The following CHCHD6 variants were observed in gnomAD, a reference collection of about 807,000 sequenced individuals.
The protein encoded by CHCHD6 is MICOS complex subunit MIC25.
In CHCHD6, 28 loss-of-function variants were observed where a neutral mutation model predicts 32.3. The observed-to-expected ratio is 0.87, with a 90% CI of 0.64 to 1.19. The LOEUF (loss-of-function observed/expected upper bound fraction) is 1.19. CHCHD6 is among the 50% of genes most tolerant of loss of function. The pLI is 0.00. For synonymous variants in CHCHD6, 122 were observed against 117.5 expected, an observed-to-expected ratio of 1.04 and a Z score of -0.25; for missense variants, 333 against 307.0, an observed-to-expected ratio of 1.08 and a Z score of -0.63.
intron 6 of CHCHD6, among the ~76,000 whole-genome samples, chr3:126,947,541 C>T (rs2078656558): frequency 6.6e-6 from 1 of 152,230 alleles, no homozygotes; most frequent in Middle Eastern, 3.2e-3. Context: ...CTTCCTATCC[C>T]GGGCCCCTCT....
intron 6 of CHCHD6, among the ~76,000 whole-genome samples, chr3:126,942,851 G>A (rs2078580093): frequency 6.6e-6 from 1 of 152,236 alleles, no homozygotes; most frequent in Admixed American, 6.5e-5. Flanking sequence ...CAGAGTGCAT[G>A]TGTATGTAGA....
chr3:126,844,066 A>T (rs1169996547), intron 4 of CHCHD6, among the ~76,000 whole-genome samples: 1 of 152,126 alleles, frequency 6.6e-6, no homozygotes, highest in African/African-American at 2.4e-5. Context: ...ACAATTTCTA[A>T]TTTAATCCTT....
chr3:126,932,508 C>T (rs1006317047), intron 6 of CHCHD6, among the ~76,000 whole-genome samples: 1 of 152,236 alleles, frequency 6.6e-6, no homozygotes, highest in Non-Finnish European at 1.5e-5. Flanking sequence ...ACTTTTTCCT[C>T]TGGTGAGGAG....
At chr3:126,912,451 G>A (rs2078104937) in intron 5 of CHCHD6, among the ~76,000 whole-genome samples, 1 of 152,106 alleles carries the variant, frequency 6.6e-6, no homozygotes, top group African/African-American at 2.4e-5. Flanking sequence ...CATTTTGGCA[G>A]CAGCTGGCTG....
chr3:126,706,943 G>A (rs1308378694), intron 1 of CHCHD6, among the ~76,000 whole-genome samples: 1 of 152,130 alleles, frequency 6.6e-6, no homozygotes, highest in African/African-American at 2.4e-5. Context: ...CTGAGGCCTG[G>A]TCTTAGAAAG....
intron 4 of CHCHD6, 57 bp from the exon 5 acceptor site, chr3:126,852,590 G>A: frequency 2.3e-6 from 3 of 1,298,622 alleles, no homozygotes; most frequent in Non-Finnish European, 2.2e-6. Context: ...TCTCCCTGCA[G>A]CACCATTCCA....
chr3:126,854,391 GAAA>G (rs1941582665), intron 5 of CHCHD6, among the ~76,000 whole-genome samples: 1 of 152,154 alleles, frequency 6.6e-6, no homozygotes, highest in African/African-American at 2.4e-5. Flanking sequence ...AACATCTCAG[GAAA>G]TGGAGATTGG....
At chr3:126,802,743 A>T (rs1019855828) in intron 4 of CHCHD6, among the ~76,000 whole-genome samples, 1 of 152,150 alleles carries the variant, frequency 6.6e-6, no homozygotes, top group African/African-American at 2.4e-5. Flanking sequence ...GAGAAGAGCA[A>T]CTCCAAGACA....
intron 7 of CHCHD6, among the ~76,000 whole-genome samples, chr3:126,958,273 C>T (rs902663961): frequency 6.6e-6 from 1 of 152,128 alleles, no homozygotes; most frequent in Non-Finnish European, 1.5e-5. Flanking sequence ...TTGCCCCACC[C>T]CAACAGGACA....
At chr3:126,740,965 G>A (rs555795199) in intron 4 of CHCHD6, among the ~76,000 whole-genome samples, 153 of 152,346 alleles carry the variant, frequency 1.0e-3, no homozygotes, top group South Asian at 3.1e-3. Context: ...TCGGTCATGG[G>A]ATTGAGAGTC....
At chr3:126,869,589 CT>C (rs1170569011) in intron 5 of CHCHD6, among the ~76,000 whole-genome samples, 1 of 151,980 alleles carries the variant, frequency 6.6e-6, no homozygotes, top group African/African-American at 2.4e-5. Context: ...AGACTTGCCT[CT>C]AAATATCATT....
intron 4 of CHCHD6, among the ~76,000 whole-genome samples, chr3:126,770,205 CTG>C (rs1243762091): frequency 6.6e-6 from 1 of 152,246 alleles, no homozygotes; most frequent in African/African-American, 2.4e-5. Context: ...TATCCTGAAA[CTG>C]TGCTGAAGTT....
intron 4 of CHCHD6, among the ~76,000 whole-genome samples, chr3:126,754,856 C>T (rs1396919632): frequency 6.6e-6 from 1 of 152,214 alleles, no homozygotes; most frequent in Non-Finnish European, 1.5e-5. Context: ...CTTTGGGAGG[C>T]TGTCTCTCAG....
intron 5 of CHCHD6, among the ~76,000 whole-genome samples, chr3:126,876,118 AAG>A (rs2077536232): frequency 6.6e-6 from 1 of 152,218 alleles, no homozygotes; most frequent in African/African-American, 2.4e-5. Flanking sequence ...GAGCACTGTT[AAG>A]TGTCAGCTCA....
intron 5 of CHCHD6, among the ~76,000 whole-genome samples, chr3:126,894,654 C>T (rs755744830): frequency 4.6e-5 from 7 of 152,258 alleles, no homozygotes; most frequent in Non-Finnish European, 5.9e-5. Flanking sequence ...ACACCCATCA[C>T]GGTGGGAGGC....
chr3:126,760,084 G>A (rs1255464545), intron 4 of CHCHD6, among the ~76,000 whole-genome samples: 2 of 152,122 alleles, frequency 1.3e-5, no homozygotes, highest in Non-Finnish European at 1.5e-5. Context: ...AGCCATGAAG[G>A]ATCTGCCCCA....
chr3:126,920,602 A>G (rs1018220071), intron 6 of CHCHD6, among the ~76,000 whole-genome samples: 28 of 152,238 alleles, frequency 1.8e-4, no homozygotes, highest in African/African-American at 6.8e-4. Context: ...AATTTGACAA[A>G]TGTTTTAAAA....
intron 4 of CHCHD6, among the ~76,000 whole-genome samples, chr3:126,803,524 A>G (rs923892963): frequency 2.0e-5 from 3 of 152,246 alleles, no homozygotes; most frequent in Admixed American, 2.0e-4. Flanking sequence ...ACTATCCTAA[A>G]TATATCTGCA....
intron 4 of CHCHD6, among the ~76,000 whole-genome samples, chr3:126,735,129 C>T (rs752211533): frequency 1.3e-4 from 20 of 152,050 alleles, no homozygotes; most frequent in African/African-American, 3.9e-4. Flanking sequence ...CTGGAGATGA[C>T]GCGTTAATCA....
Sources: gnomAD v4.1 joint callset for allele counts (sites outside exome capture counted in the v4.1 genomes callset) on GRCh38, gnomAD v4.1.1 for gene constraint, MANE v1.5 for transcripts, NCBI Gene and HGNC (gene_info 2026-07-23, HGNC 2026-07-21) for gene names.